The following GMPR variants were observed in gnomAD, a reference collection of about 807,000 sequenced individuals.
GMPR encodes the protein GMP reductase 1.
In GMPR, 31 loss-of-function variants were observed where a neutral mutation model predicts 38.4. That is an observed-to-expected ratio of 0.81 (90% CI 0.61 to 1.09). The LOEUF (loss-of-function observed/expected upper bound fraction) is 1.09, where lower values mean the gene tolerates loss of function less well. Among genes scored for constraint, GMPR ranks in the 50% least tolerant of loss-of-function variants. The probability of loss-of-function intolerance (pLI) is 0.00; values close to 1 mark genes in which losing one functional copy is unlikely to be tolerated. For missense variants in GMPR, 468 were observed against 453.7 expected (o/e 1.03, Z -0.29); for synonymous variants, 162 against 173.3 (o/e 0.93, Z 0.51).
At chr6:16,263,442 A>C (rs1759125272) in intron 4 of GMPR, 2 of 151,812 alleles carry the variant, frequency 1.3e-5, no homozygotes, top group Non-Finnish European at 2.9e-5. Context: ...CTAAGGGAGA[A>C]GAAGGAGGAA....
intron 4 of GMPR, among the ~76,000 whole-genome samples, 185 bp downstream of exon 4, chr6:16,254,920 C>T (rs1758946081): frequency 6.6e-6 from 1 of 152,048 alleles, no homozygotes; most frequent in African/African-American, 2.4e-5. Context: ...ACTAGCTTCC[C>T]TCTATAAAAA....
At chr6:16,266,619 G>T (rs138190261) in intron 4 of GMPR, among the ~76,000 whole-genome samples, 2,810 of 151,476 alleles carry the variant, frequency 0.019, 74 homozygotes, top group African/African-American at 0.058. Context: ...TGGCTAACAC[G>T]GTGAAACCCC....
At chr6:16,267,325 T>A (rs1021364942) in intron 4 of GMPR, among the ~76,000 whole-genome samples, 2 of 151,618 alleles carry the variant, frequency 1.3e-5, no homozygotes, top group African/African-American at 4.8e-5. Context: ...TGAGCCGAGA[T>A]CGCGCCACTG....
At chr6:16,260,482 G>A (rs927784710) in intron 4 of GMPR, among the ~76,000 whole-genome samples, 1 of 151,956 alleles carries the variant, frequency 6.6e-6, no homozygotes, top group Non-Finnish European at 1.5e-5. Context: ...TATCTGACTC[G>A]GGGCATGTCG....
chr6:16,265,985 T>G (rs1456225938), intron 4 of GMPR, among the ~76,000 whole-genome samples: 1 of 152,122 alleles, frequency 6.6e-6, no homozygotes. Context: ...ATGTGCAACC[T>G]TTAAGAGCTG....
chr6:16,266,872 C>T (rs560621379), intron 4 of GMPR, among the ~76,000 whole-genome samples: 9 of 151,858 alleles, frequency 5.9e-5, no homozygotes, highest in South Asian at 2.1e-4. Flanking sequence ...GACCACGAAC[C>T]GTCCGGGAGG....
In GMPR at chr6:16,289,727, G is replaced by A. The variant is rs142170111; in HGVS notation, c.698-735G>A. 2.8e-3 allele frequency among the ~76,000 whole-genome samples: 428 copies of A among 151,206 alleles called. 2 individuals carry two copies. The highest frequency in any genetic ancestry group is 1.0e-2 in the African/African-American group (413 of 41,356). On this transcript the variant is annotated intron_variant, in intron 7 of 8. Coordinates refer to ENST00000259727, the MANE Select transcript of GMPR (RefSeq NM_006877.4). The stretch of plus-strand genomic sequence containing the variant: ...TCTGAGGCTTTTTCCTGATGTATAA[G>A]CACAGGGAGTGTCAGAGTGTGGAGA...
rs191506024 is a variant in GMPR at position 16,247,980 on chromosome 6, A to T, written c.207+1019A>T. Among the ~76,000 whole-genome samples, 72 of 152,170 alleles carry T rather than the reference A, an allele frequency of 4.7e-4. No individual in the cohort carries two copies. In the East Asian group the frequency reaches 0.013, roughly 28 times the overall value. ...CATAGTGGCTCACACCTGTAATCCCAGGATTTGGGGAGGTGGAGGCAGGCG... is the reference window on the plus strand; with the variant it reads ...CATAGTGGCTCACACCTGTAATCCCTGGATTTGGGGAGGTGGAGGCAGGCG... On this transcript the variant is annotated intron_variant, in intron 2 of 8. Coordinates refer to ENST00000259727, the MANE Select transcript of GMPR (RefSeq NM_006877.4).
chr6:16,262,526 T>G (rs1338860336), intron 4 of GMPR: 2 of 152,010 alleles, frequency 1.3e-5, no homozygotes, highest in African/African-American at 4.8e-5. Context: ...GAAGTTCTTG[T>G]GTGCTGGAGA....
Position 16,292,530 on chromosome 6 carries a change from G to A in GMPR, c.857+1909G>A, listed in dbSNP as rs187495605. ...CCCCGAGGCCCTCTTTCCCCCAAGCGGTCCCTGATAGAGGAGGAGGTTGCA... is the reference window on the plus strand; with the variant it reads ...CCCCGAGGCCCTCTTTCCCCCAAGCAGTCCCTGATAGAGGAGGAGGTTGCA... On this transcript the variant is annotated intron_variant, in intron 8 of 8. Transcript: ENST00000259727. 3.6e-3 allele frequency among the ~76,000 whole-genome samples: 542 copies of A among 152,196 alleles called. 3 individuals carry two copies. The highest frequency in any genetic ancestry group is 0.012 in the African/African-American group (489 of 41,510).
intron 4 of GMPR, among the ~76,000 whole-genome samples, chr6:16,256,285 G>A (rs1350972719): frequency 1.3e-5 from 2 of 151,150 alleles, no homozygotes; most frequent in Middle Eastern, 3.4e-3. Context: ...GGAGGCCGAG[G>A]TGGGTGGATC....
intron 4 of GMPR, chr6:16,262,370 G>A (rs1759104880): frequency 6.6e-6 from 1 of 151,986 alleles, no homozygotes. Context: ...TTTCCAGTGG[G>A]GTCCCGCACA....
At chr6:16,271,593 G>C (rs1473239756) in intron 4 of GMPR, among the ~76,000 whole-genome samples, 1 of 152,196 alleles carries the variant, frequency 6.6e-6, no homozygotes, top group African/African-American at 2.4e-5. Flanking sequence ...GGAAGAACTG[G>C]AGCTCGCGCC....
chr6:16,270,510 C>T (rs962288111), intron 4 of GMPR, among the ~76,000 whole-genome samples: 4 of 152,204 alleles, frequency 2.6e-5, no homozygotes, highest in Non-Finnish European at 5.9e-5. Context: ...CTTCCTGGCC[C>T]CTGTTATCAC....
At chr6:16,264,075 G>A (rs1759142290) in intron 4 of GMPR, among the ~76,000 whole-genome samples, 1 of 151,984 alleles carries the variant, frequency 6.6e-6, no homozygotes, top group South Asian at 2.1e-4. Flanking sequence ...ATCCCTGCGT[G>A]GTCTGACACC....
intron 3 of GMPR, among the ~76,000 whole-genome samples, chr6:16,251,325 C>A (rs971012801): frequency 6.6e-6 from 1 of 152,188 alleles, no homozygotes; most frequent in Non-Finnish European, 1.5e-5. Context: ...AATCCCAGAA[C>A]TTTGGGAGGC....
chr6:16,294,051 A>C (rs150225668), intron 8 of GMPR, among the ~76,000 whole-genome samples: 1 of 152,308 alleles, frequency 6.6e-6, no homozygotes, highest in Non-Finnish European at 1.5e-5. Context: ...CCCAAGTAAC[A>C]ATCAAGCAGT....
At chr6:16,293,747 G>A (rs921530158) in intron 8 of GMPR, among the ~76,000 whole-genome samples, 2 of 152,200 alleles carry the variant, frequency 1.3e-5, no homozygotes, top group Non-Finnish European at 2.9e-5. Context: ...GCAGTGAGCT[G>A]AGATTGCACC....
At chr6:16,265,661 C>T (rs999336838) in intron 4 of GMPR, among the ~76,000 whole-genome samples, 2 of 145,490 alleles carry the variant, frequency 1.4e-5, no homozygotes, top group African/African-American at 2.4e-5. Context: ...GCTAAAGCAG[C>T]GCTGTGTCTA....
Sources: gnomAD v4.1 joint callset for allele counts (sites outside exome capture counted in the v4.1 genomes callset) on GRCh38, gnomAD v4.1.1 for gene constraint, MANE v1.5 for transcripts, NCBI Gene and HGNC (gene_info 2026-07-23, HGNC 2026-07-21) for gene names.